OR1J2: variants seen among roughly 807,000 people sequenced by gnomAD.
OR1J2 encodes the protein olfactory receptor 1J2.
For missense variants in OR1J2, 304 were observed against 246.1 expected, an observed-to-expected ratio of 1.24 and a Z score of -1.57; for synonymous variants, 142 against 99.7, an observed-to-expected ratio of 1.42 and a Z score of -2.52.
At chr9:122,544,235 T>G in the OR1J2 span, among the ~76,000 whole-genome samples, 1 of 151,964 alleles carries the variant, frequency 6.6e-6, no homozygotes, top group African/African-American at 2.4e-5. Flanking sequence ...AGTGAAACCA[T>G]CTAACCTTGA....
At chr9:122,517,054 G>A in the OR1J2 span, among the ~76,000 whole-genome samples, 4 of 152,256 alleles carry the variant, frequency 2.6e-5, no homozygotes, top group Admixed American at 1.3e-4. Context: ...CTTCACAAAT[G>A]TTTTCTTATT....
chr9:122,486,733 G>A, the OR1J2 span, among the ~76,000 whole-genome samples: 2 of 152,088 alleles, frequency 1.3e-5, no homozygotes, highest in Non-Finnish European at 2.9e-5. Context: ...TAAATAATTT[G>A]CCTAAAATTC....
At chr9:122,471,927 A>C in the OR1J2 span, among the ~76,000 whole-genome samples, 1 of 152,190 alleles carries the variant, frequency 6.6e-6, no homozygotes, top group Non-Finnish European at 1.5e-5. Flanking sequence ...TGAAATTTCC[A>C]TTGTTTACTA....
the OR1J2 span, among the ~76,000 whole-genome samples, chr9:122,478,348 A>G: frequency 4.3e-4 from 65 of 152,290 alleles, no homozygotes; most frequent in African/African-American, 1.4e-3. Flanking sequence ...ATTTGGACCG[A>G]AGTATCTTGA....
the OR1J2 span, chr9:122,527,352 C>T: frequency 6.8e-6 from 7 of 1,031,152 alleles, no homozygotes; most frequent in Non-Finnish European, 8.5e-6. Flanking sequence ...TCATCTACAA[C>T]TGTGTGGGCT....
chr9:122,574,807 A>G, the OR1J2 span, among the ~76,000 whole-genome samples: 1 of 152,062 alleles, frequency 6.6e-6, no homozygotes, highest in African/African-American at 2.4e-5. Flanking sequence ...GCCATCATGT[A>G]TAATGTTAGT....
chr9:122,568,495 T>G, the OR1J2 span: 1 of 1,470,380 alleles, frequency 6.8e-7, no homozygotes, highest in Non-Finnish European at 9.2e-7. Context: ...GGCTCAGTTA[T>G]AAACAAGAAG....
At chr9:122,565,020 T>C in the OR1J2 span, among the ~76,000 whole-genome samples, 7 of 152,224 alleles carry the variant, frequency 4.6e-5, no homozygotes, top group Admixed American at 4.6e-4. Context: ...TAAATCTGGC[T>C]AAAATTCAAG....
At chr9:122,563,597 G>A in the OR1J2 span, among the ~76,000 whole-genome samples, 6 of 152,180 alleles carry the variant, frequency 3.9e-5, no homozygotes, top group East Asian at 1.9e-4. Context: ...CCTCTGCTGC[G>A]CAGATGCAAT....
chr9:122,535,894 G>C, the OR1J2 span, among the ~76,000 whole-genome samples: 1 of 152,108 alleles, frequency 6.6e-6, no homozygotes, highest in Non-Finnish European at 1.5e-5. Flanking sequence ...ATTTGGGTAG[G>C]TAAAGGAAAA....
the OR1J2 span, among the ~76,000 whole-genome samples, chr9:122,561,391 T>A: frequency 1.3e-5 from 2 of 152,152 alleles, no homozygotes; most frequent in Non-Finnish European, 2.9e-5. Context: ...TGGAGAGGTG[T>A]TGTGATCATT....
chr9:122,466,710 CTT>C, the OR1J2 span, among the ~76,000 whole-genome samples: 1 of 152,208 alleles, frequency 6.6e-6, no homozygotes, highest in Admixed American at 6.5e-5. Flanking sequence ...TCCCCCATCT[CTT>C]CTCCCATCTG....
At chr9:122,531,982 A>G in the OR1J2 span, among the ~76,000 whole-genome samples, 3 of 151,690 alleles carry the variant, frequency 2.0e-5, no homozygotes, top group Admixed American at 2.0e-4. Context: ...TCCTGGGCGG[A>G]GGCAAATCCC....
the OR1J2 span, among the ~76,000 whole-genome samples, chr9:122,501,901 C>T: frequency 1.3e-5 from 2 of 152,138 alleles, no homozygotes; most frequent in South Asian, 2.1e-4. Context: ...AAATTATCAC[C>T]TGGTAACTGA....
At chr9:122,574,479 T>A in the OR1J2 span, among the ~76,000 whole-genome samples, 1 of 152,138 alleles carries the variant, frequency 6.6e-6, no homozygotes, top group Admixed American at 6.5e-5. Flanking sequence ...GTTCTTAATT[T>A]CAAAATCCAC....
At chr9:122,577,535 G>C in the OR1J2 span, among the ~76,000 whole-genome samples, 1 of 152,304 alleles carries the variant, frequency 6.6e-6, no homozygotes, top group South Asian at 2.1e-4. Flanking sequence ...CAGTAAGCAT[G>C]TGAACAAGTA....
the OR1J2 span, chr9:122,477,781 A>T: frequency 6.2e-7 from 1 of 1,613,984 alleles, no homozygotes; most frequent in Non-Finnish European, 8.5e-7. Context: ...GTCTAGCTGG[A>T]TGAGCAGCAT....
At chr9:122,473,845 C>G in the OR1J2 span, among the ~76,000 whole-genome samples, 1 of 152,152 alleles carries the variant, frequency 6.6e-6, no homozygotes, top group Non-Finnish European at 1.5e-5. Flanking sequence ...TTATTTGCTA[C>G]CCTAGGAATT....
At chr9:122,490,826 G>C in the OR1J2 span, among the ~76,000 whole-genome samples, 2 of 152,196 alleles carry the variant, frequency 1.3e-5, no homozygotes, top group Non-Finnish European at 2.9e-5. Flanking sequence ...GAAAGAAAGA[G>C]CCATGGAAGG....
Sources: allele counts gnomAD v4.1 joint callset (sites outside exome capture counted in the v4.1 genomes callset), GRCh38; gene constraint gnomAD v4.1.1; transcripts MANE v1.5; gene names NCBI Gene and HGNC (gene_info 2026-07-23, HGNC 2026-07-21).